Variants in ZSCAN5A observed in about 807,000 individuals in gnomAD.
ZSCAN5A encodes the protein zinc finger and SCAN domain containing 5A.
In ZSCAN5A, 12 loss-of-function variants were observed where a neutral mutation model predicts 23.7. That is an observed-to-expected ratio of 0.51 (90% CI 0.32 to 0.82). The LOEUF (loss-of-function observed/expected upper bound fraction) is 0.82. Among genes scored for constraint, ZSCAN5A ranks in the 40% least tolerant of loss-of-function variants. ZSCAN5A has a pLI of 0.03. For synonymous variants in ZSCAN5A, 257 were observed against 239.9 expected (o/e 1.07, Z -0.66); for missense variants, 597 against 617.9 (o/e 0.97, Z 0.36).
chr19:56,328,119 T>C (rs930004574), intron 2 of ZSCAN5A, among the ~76,000 whole-genome samples: 8 of 152,132 alleles, frequency 5.3e-5, no homozygotes, highest in African/African-American at 1.7e-4. Flanking sequence ...GAAGCATGGA[T>C]GGACAGGAGA....
At chr19:56,244,817 A>AG (rs141633987) in intron 2 of ZSCAN5A, among the ~76,000 whole-genome samples, 6,432 of 151,412 alleles carry the variant, frequency 0.042, 471 homozygotes, top group African/African-American at 0.15. Context: ...AATGTAGGGA[A>AG]GGAGGCATTA....
intron 2 of ZSCAN5A, among the ~76,000 whole-genome samples, chr19:56,330,197 G>T (rs2041476787): frequency 6.6e-6 from 1 of 152,214 alleles, no homozygotes; most frequent in Non-Finnish European, 1.5e-5. Context: ...GTATTCCATG[G>T]TGTATATGTA....
At position 56,222,133 on chromosome 19, in the gene ZSCAN5A, C is replaced by T. The variant is rs780127351; in HGVS notation, c.933G>A (p.Glu311=). 3.1e-6 allele frequency: 5 copies of T among 1,614,104 alleles called. No homozygotes were observed. The highest frequency in any genetic ancestry group is 3.4e-6 in the Non-Finnish European group (4 of 1,180,044). The change falls in exon 6 of 6, where the codon GAG becomes GAA. Residue 311 remains glutamate, a synonymous_variant. Coordinates refer to ENST00000683990, the MANE Select transcript of ZSCAN5A (RefSeq NM_001322064.3). The part of the protein sequence containing the change: ...KPDASSISQE[E]PQGEATPVGN... ...CCACAGGTGTGGCTTCTCCTTGAGG[C>T]TCTTCTTGGGAAATGGAGGAGGCAT...
chr19:56,315,029 A>AT (rs1452516464), upstream of ZSCAN5A: 2 of 140,572 alleles, frequency 1.4e-5, no homozygotes, highest in Non-Finnish European at 3.1e-5. Flanking sequence ...TCGCCGAATC[A>AT]TTACTAGTGC....
chr19:56,271,543 A>T (rs982880218), intron 2 of ZSCAN5A, among the ~76,000 whole-genome samples: 1 of 152,214 alleles, frequency 6.6e-6, no homozygotes, highest in African/African-American at 2.4e-5. Flanking sequence ...GGGAGCTCTG[A>T]AATATGGCAA....
chr19:56,246,554 G>T, intron 2 of ZSCAN5A: 1 of 664,036 alleles, frequency 1.5e-6, no homozygotes, highest in Non-Finnish European at 2.7e-6. Context: ...GTCTGGGGGA[G>T]TTGGCACTCA....
rs1346525169 is a variant in ZSCAN5A, at chr19:56,223,661, C to T, written c.558G>A (p.Leu186=). 2 of 1,613,722 alleles carry T rather than the reference C, an allele frequency of 1.2e-6. No homozygotes were observed. Among genetic ancestry groups the T allele is most frequent in the African/African-American group, 1.3e-5 (1 of 74,860 alleles). The change falls in exon 4 of 6, where the codon CTG becomes CTA. Residue 186 remains leucine (L), a synonymous_variant. Coordinates refer to ENST00000683990, the MANE Select transcript of ZSCAN5A (RefSeq NM_001322064.3). ...EGQAHRELQI[L]PRVPALSRRQ... ...TCCTGGACAATGCAGGGACCCTGGG[C>T]AGGATCTGCAGCTCTCGGTGGGCCT...
At chr19:56,321,620 G>A in intron 2 of ZSCAN5A, 2 of 839,384 alleles carry the variant, frequency 2.4e-6, no homozygotes, top group Non-Finnish European at 4.2e-6. Flanking sequence ...CAGCACAATG[G>A]CAAGGTTCAT....
intron 2 of ZSCAN5A, chr19:56,312,412 C>T (rs2147383568): frequency 6.6e-6 from 1 of 152,308 alleles, no homozygotes; most frequent in East Asian, 1.9e-4. Context: ...AATGGAGGGA[C>T]ATTTTACAGA....
intron 2 of ZSCAN5A, among the ~76,000 whole-genome samples, chr19:56,277,069 T>C (rs781152170): frequency 6.6e-5 from 10 of 152,090 alleles, no homozygotes; most frequent in Non-Finnish European, 1.3e-4. Flanking sequence ...CGTGGAGAAA[T>C]CAGAACCCTC....
chr19:56,221,562 C>T lies in ZSCAN5A; in HGVS notation c.*13G>A, dbSNP rs747310164. 4 of 1,572,944 alleles carry T rather than the reference C, an allele frequency of 2.5e-6. No homozygotes were observed. The highest frequency in any genetic ancestry group is 2.4e-5 in the South Asian group (2 of 84,486). On this transcript the variant is annotated 3_prime_UTR_variant, in exon 6 of 6. Coordinates refer to ENST00000683990, the MANE Select transcript of ZSCAN5A (RefSeq NM_001322064.3). ...TTCTTCTTGGTGCAGAAGGCATAGA[C>T]CGGATTATGCAATCACTGAGAAGTA...
chr19:56,358,539 G>C (rs1468020574), intron 2 of ZSCAN5A, among the ~76,000 whole-genome samples: 2 of 152,076 alleles, frequency 1.3e-5, no homozygotes, highest in Non-Finnish European at 2.9e-5. Flanking sequence ...AATTTAGAAA[G>C]ATATTCAGGA....
intron 2 of ZSCAN5A, among the ~76,000 whole-genome samples, chr19:56,273,736 A>T (rs534451452): frequency 1.3e-5 from 2 of 152,258 alleles, no homozygotes; most frequent in East Asian, 3.9e-4. Flanking sequence ...TACAAGTAAG[A>T]AGAGACAGGA....
chr19:56,327,309 G>T (rs898634509), intron 2 of ZSCAN5A, among the ~76,000 whole-genome samples: 25 of 152,022 alleles, frequency 1.6e-4, no homozygotes, highest in Admixed American at 1.2e-3. Flanking sequence ...TAGAAATGGG[G>T]TCTTGCTATA....
intron 2 of ZSCAN5A, among the ~76,000 whole-genome samples, chr19:56,337,597 G>A (rs889163686): frequency 1.2e-4 from 19 of 152,180 alleles, no homozygotes; most frequent in Admixed American, 9.8e-4. Flanking sequence ...CCACTGTCCT[G>A]CACCCACTGT....
In ZSCAN5A at chr19:56,310,834, G is replaced by A. The variant is rs562482201; in HGVS notation, c.-128+2449C>T. On this transcript the variant is annotated intron_variant, in intron 2 of 5. Coordinates refer to ENST00000683990, the MANE Select transcript of ZSCAN5A (RefSeq NM_001322064.3). ...TTGGCTCTGGAGACAGGTTTCTTGG[G>A]TTCGAATCCCAGCTCCACCCCTTAA... 2.0e-5 allele frequency among the ~76,000 whole-genome samples: 3 copies of A among 152,278 alleles called. No individual in the cohort carries two copies. The South Asian group carries it at 6.2e-4, about 32-fold the overall frequency.
At chr19:56,243,914 T>C (rs572828162) in intron 2 of ZSCAN5A, 12 of 507,806 alleles carry the variant, frequency 2.4e-5, no homozygotes, top group African/African-American at 1.9e-4. Flanking sequence ...ATGTTTTTTT[T>C]TGCAGACTTC....
chr19:56,331,647 G>A (rs1274234902), intron 2 of ZSCAN5A, among the ~76,000 whole-genome samples: 3 of 134,620 alleles, frequency 2.2e-5, no homozygotes. Flanking sequence ...GAGTGTAATG[G>A]TGTGATCTCG....
intron 2 of ZSCAN5A, chr19:56,244,357 G>C (rs759893492): frequency 3.1e-5 from 50 of 1,595,438 alleles, no homozygotes; most frequent in Non-Finnish European, 4.0e-5. Flanking sequence ...TCTTAGTCAA[G>C]GTGAACGGTG....
Sources: gnomAD v4.1 joint callset for allele counts (sites outside exome capture counted in the v4.1 genomes callset) on GRCh38, gnomAD v4.1.1 for gene constraint, MANE v1.5 for transcripts, NCBI Gene and HGNC (gene_info 2026-07-23, HGNC 2026-07-21) for gene names.